PDE8A: variants seen among roughly 807,000 people sequenced by gnomAD.
The protein encoded by PDE8A is high affinity cAMP-specific and IBMX-insensitive 3',5'-cyclic phosphodiesterase 8A.
PDE8A carries 59 observed loss-of-function variants against 105.0 expected under a neutral mutation model. The observed-to-expected ratio is 0.56, with a 90% CI of 0.46 to 0.70. The LOEUF is 0.70. Among genes scored for constraint, PDE8A ranks in the 30% least tolerant of loss-of-function variants. The probability of loss-of-function intolerance (pLI) is 0.00; values close to 1 mark genes in which losing one functional copy is unlikely to be tolerated. For missense variants in PDE8A, 1,014 were observed against 1,045.9 expected (o/e 0.97, Z 0.42); for synonymous variants, 355 against 371.9 (o/e 0.95, Z 0.52).
At chr15:85,049,546 A>G (rs562160069) in intron 1 of PDE8A, among the ~76,000 whole-genome samples, 2 of 152,340 alleles carry the variant, frequency 1.3e-5, no homozygotes, top group East Asian at 1.9e-4. Flanking sequence ...TGGCTGAATA[A>G]TATTCCATTT....
intron 1 of PDE8A, among the ~76,000 whole-genome samples, chr15:85,008,779 G>GC (rs2080190853): frequency 6.6e-6 from 1 of 151,972 alleles, no homozygotes; most frequent in African/African-American, 2.4e-5. Context: ...ATTCCACCTT[G>GC]CCCCTGTCTG....
intron 13 of PDE8A, 53 bp downstream of exon 13, chr15:85,113,500 C>A: frequency 7.0e-7 from 1 of 1,425,346 alleles, no homozygotes; most frequent in East Asian, 2.3e-5. Context: ...CTTGTTCTCC[C>A]CAAGGATCAT....
At chr15:85,038,953 C>G (rs928867011) in intron 1 of PDE8A, among the ~76,000 whole-genome samples, 1 of 152,070 alleles carries the variant, frequency 6.6e-6, no homozygotes, top group Non-Finnish European at 1.5e-5. Flanking sequence ...GAAACCCCGT[C>G]TCTACTAAAG....
At chr15:84,983,239 G>A (rs1596404004) in intron 1 of PDE8A, among the ~76,000 whole-genome samples, 1 of 152,190 alleles carries the variant, frequency 6.6e-6, no homozygotes, top group Non-Finnish European at 1.5e-5. Flanking sequence ...GAACTCATGC[G>A]TTGGTTTATG....
chr15:85,085,114 G>A (rs777065933), intron 6 of PDE8A, among the ~76,000 whole-genome samples: 12 of 152,046 alleles, frequency 7.9e-5, no homozygotes, highest in African/African-American at 1.2e-4. Context: ...CACCCACTGC[G>A]TTCAAGATGA....
At position 85,113,875 on chromosome 15, in the gene PDE8A, A is replaced by T; in HGVS notation, c.1188A>T (p.Val396=). 1 of 1,607,502 alleles carries T rather than the reference A, an allele frequency of 6.2e-7. No individual in the cohort carries two copies. Among genetic ancestry groups the T allele is most frequent in the Non-Finnish European group, 8.5e-7 (1 of 1,175,760 alleles). ...AGTATTTTCTTTCCATAATGTAGGT[A>T]ATCAATATTATCAATGCTGCCCAGG... ...SMTIEAPITK[V]INIINAAQES... Residue 396 remains valine, a splice_region_variant and synonymous_variant, in exon 14 of 22, where the codon GTA becomes GTT. Transcript: ENST00000394553.
intron 6 of PDE8A, among the ~76,000 whole-genome samples, chr15:85,085,578 A>G (rs966321853): frequency 6.6e-6 from 1 of 151,758 alleles, no homozygotes; most frequent in African/African-American, 2.4e-5. Context: ...AGCACCTGTA[A>G]TCCCAGCTAC....
chr15:85,087,831 A>G (rs1291899440), intron 6 of PDE8A, among the ~76,000 whole-genome samples: 2 of 152,230 alleles, frequency 1.3e-5, no homozygotes, highest in Non-Finnish European at 2.9e-5. Context: ...TGCATATTAC[A>G]TATGCATTTG....
At chr15:85,114,071 CT>C in intron 14 of PDE8A, 34 bp downstream of exon 14, 1 of 1,578,552 alleles carries the variant, frequency 6.3e-7, no homozygotes, top group South Asian at 1.1e-5. Flanking sequence ...TGGCTAGAGC[CT>C]GTCTGTTCTT....
chr15:85,103,587 G>T (rs191358207), intron 11 of PDE8A, among the ~76,000 whole-genome samples: 1 of 152,328 alleles, frequency 6.6e-6, no homozygotes, highest in Admixed American at 6.5e-5. Flanking sequence ...CAGCAGAAAA[G>T]GAGTTTTTTC....
At position 85,097,940 on chromosome 15, in the gene PDE8A, A is replaced by G. The variant is rs1475427679; in HGVS notation, c.853-8A>G. 4.1e-6 allele frequency: 6 copies of G among 1,475,830 alleles called. No individual in the cohort carries two copies. Among genetic ancestry groups the G allele is most frequent in the Non-Finnish European group, 4.7e-6 (5 of 1,054,880 alleles). The allele number at this position is 1,475,830 out of a possible 1,614,324, so 91.4% of individuals were successfully genotyped here. A position where few individuals can be genotyped will look rare whatever the true frequency, so the allele number is the denominator to read the frequency against. On this transcript the variant is annotated splice_polypyrimidine_tract_variant and splice_region_variant and intron_variant, in intron 8 of 21. Transcript: ENST00000394553. ...CAAAGTATGACGATGCTTACATTCC[A>G]TTTATAGGAGTGGCAAGGAATTTAC... is the stretch of plus-strand genomic sequence containing the variant.
In PDE8A at chr15:85,137,570, C is replaced by G. The variant is rs536445338; in HGVS notation, c.2384-227C>G. On this transcript the variant is annotated intron_variant, in intron 21 of 21. Coordinates refer to ENST00000394553, the MANE Select transcript of PDE8A (RefSeq NM_002605.3). ...TAGCCACCTTCTGTTTTATTTACCACAGTTACCAGCTCAGCAGGTGGTCAC... is the reference window on the plus strand; with the variant it reads ...TAGCCACCTTCTGTTTTATTTACCAGAGTTACCAGCTCAGCAGGTGGTCAC... 2.6e-5 allele frequency among the ~76,000 whole-genome samples: 4 copies of G among 152,288 alleles called. No individual in the cohort carries two copies. The South Asian group carries it at 8.3e-4, about 32-fold the overall frequency.
chr15:85,038,110 C>G (rs927951768), intron 1 of PDE8A, among the ~76,000 whole-genome samples: 4 of 152,094 alleles, frequency 2.6e-5, no homozygotes, highest in African/African-American at 9.7e-5. Context: ...TGTTGATGAG[C>G]TCACTTTCTT....
intron 1 of PDE8A, among the ~76,000 whole-genome samples, chr15:84,983,283 A>C (rs960566689): frequency 3.9e-5 from 6 of 152,264 alleles, no homozygotes; most frequent in African/African-American, 1.4e-4. Context: ...ACAACAACAA[A>C]ATTCGTGCAT....
At chr15:85,095,705 A>G (rs531866535) in intron 8 of PDE8A, among the ~76,000 whole-genome samples, 1 of 151,918 alleles carries the variant, frequency 6.6e-6, no homozygotes, top group South Asian at 2.1e-4. Context: ...TGGTGACTGG[A>G]AAACTTATTG....
intron 11 of PDE8A, among the ~76,000 whole-genome samples, chr15:85,106,945 A>C (rs946629055): frequency 6.6e-6 from 1 of 152,150 alleles, no homozygotes; most frequent in Admixed American, 6.5e-5. Context: ...TTCTATACAC[A>C]TATGCTTCTT....
At chr15:85,008,449 C>G (rs1162777921) in intron 1 of PDE8A, among the ~76,000 whole-genome samples, 1 of 152,056 alleles carries the variant, frequency 6.6e-6, no homozygotes, top group Non-Finnish European at 1.5e-5. Context: ...TACTGTGTAA[C>G]TCATCCCCCA....
intron 5 of PDE8A, among the ~76,000 whole-genome samples, chr15:85,083,039 A>G (rs1467266926): frequency 6.6e-6 from 1 of 152,270 alleles, no homozygotes; most frequent in Non-Finnish European, 1.5e-5. Flanking sequence ...TCACTGAGCC[A>G]CTGTTGGAGG....
Position 85,076,408 on chromosome 15 carries a change from T to TA in PDE8A, c.492-315dup, listed in dbSNP as rs772331817. ...CCTGAGCTGTAGGGGAGAAAGGAATTAAAAAAAAAACCTGGAAGTAGAAGA... is the reference window on the plus strand; with the variant it reads ...CCTGAGCTGTAGGGGAGAAAGGAATTAAAAAAAAAAACCTGGAAGTAGAAGA... On this transcript the variant is annotated intron_variant, in intron 4 of 21. Coordinates refer to ENST00000394553, the MANE Select transcript of PDE8A (RefSeq NM_002605.3). Among the ~76,000 whole-genome samples the TA allele has an allele frequency of 2.3e-3, 346 of 148,176 alleles. 1 individual carries two copies. Among genetic ancestry groups the TA allele is most frequent in the African/African-American group, 3.9e-3 (157 of 40,642 alleles).
Sources: gnomAD v4.1 joint callset for allele counts (sites outside exome capture counted in the v4.1 genomes callset) on GRCh38, gnomAD v4.1.1 for gene constraint, MANE v1.5 for transcripts, NCBI Gene and HGNC (gene_info 2026-07-23, HGNC 2026-07-21) for gene names.